The following GNPDA2 variants were observed in gnomAD, a reference collection of about 807,000 sequenced individuals.
GNPDA2 encodes the protein glcN6P deaminase 2.
GNPDA2 carries 24 observed loss-of-function variants against 27.0 expected under a neutral mutation model. The observed-to-expected ratio is 0.89, with a 90% CI of 0.64 to 1.25. The LOEUF (loss-of-function observed/expected upper bound fraction) is 1.25. GNPDA2 is among the 50% of genes most tolerant of loss of function. GNPDA2 has a pLI of 0.00. For missense variants in GNPDA2, 286 were observed against 335.1 expected, an observed-to-expected ratio of 0.85 and a Z score of 1.14; for synonymous variants, 94 against 108.4, an observed-to-expected ratio of 0.87 and a Z score of 0.83.
At chr4:44,707,963 C>G (rs779968485) in intron 5 of GNPDA2, 37 bp from the exon 6 acceptor site, 4 of 1,426,224 alleles carry the variant, frequency 2.8e-6, no homozygotes, top group Non-Finnish European at 1.9e-6. Context: ...AAAACTTGTT[C>G]CAAATGAGTA....
chr4:44,713,809 G>A (rs1717117043), intron 4 of GNPDA2, among the ~76,000 whole-genome samples: 1 of 152,046 alleles, frequency 6.6e-6, no homozygotes, highest in African/African-American at 2.4e-5. Context: ...GAACCTGGGA[G>A]GTGGAGGTTG....
At chr4:44,710,677 G>A (rs1366982839) in intron 5 of GNPDA2, among the ~76,000 whole-genome samples, 1 of 152,166 alleles carries the variant, frequency 6.6e-6, no homozygotes. Flanking sequence ...GATGTGATCA[G>A]TAAGATTTTA....
rs1265726468 is a variant in GNPDA2 at position 44,708,430 on chromosome 4, A to G, written c.595-504T>C. 2.6e-5 allele frequency among the ~76,000 whole-genome samples: 4 copies of G among 152,144 alleles called. No homozygotes were observed. The East Asian group carries it at 7.7e-4, about 29-fold the overall frequency. ...CATTTCACTGAACATGTGCTATTCA[A>G]AGTTGACTCAGAATAAAAACTGGAT... On this transcript the variant is annotated intron_variant, in intron 5 of 6. Transcript: ENST00000295448.
chr4:44,725,054 G>A (rs528459571), intron 1 of GNPDA2, among the ~76,000 whole-genome samples: 1 of 152,310 alleles, frequency 6.6e-6, no homozygotes, highest in East Asian at 1.9e-4. Flanking sequence ...AGGTAAGGAG[G>A]ACGAGAAGCA....
At chr4:44,704,022 GAT>G (rs1716436080) in intron 6 of GNPDA2, 2 of 985,070 alleles carry the variant, frequency 2.0e-6, no homozygotes, top group African/African-American at 3.5e-5. Flanking sequence ...GGATTGGAGA[GAT>G]AGGTTGCTTG....
At chr4:44,703,228 G>A in intron 6 of GNPDA2, 86 bp from the exon 7 acceptor site, 1 of 1,511,910 alleles carries the variant, frequency 6.6e-7, no homozygotes. Flanking sequence ...TTTTTTATAA[G>A]ACACAGTAAG....
Position 44,720,152 on chromosome 4 carries a change from C to T in GNPDA2, c.125-1742G>A, listed in dbSNP as rs1409008238. Among the ~76,000 whole-genome samples the T allele has an allele frequency of 4.6e-5, 7 of 152,094 alleles. No homozygotes were observed. In the South Asian group the frequency reaches 8.3e-4, roughly 18 times the overall value. On this transcript the variant is annotated intron_variant, in intron 2 of 6. Transcript: ENST00000295448. ...AGAAAAGATGGAGCGGGAGGTTCAA[C>T]GATGACATCTGTCTACCATGTGGCT... is the stretch of plus-strand genomic sequence containing the variant.
chr4:44,707,726 G>T, intron 6 of GNPDA2, 26 bp downstream of exon 6: 3 of 1,595,006 alleles, frequency 1.9e-6, no homozygotes, highest in Non-Finnish European at 2.6e-6. Flanking sequence ...GATTATCTCA[G>T]TCGGCTTTTG....
intron 6 of GNPDA2, chr4:44,705,549 A>G (rs1333179017): frequency 1.1e-5 from 8 of 738,354 alleles, no homozygotes; most frequent in Non-Finnish European, 1.2e-5. Context: ...AACTAAATAC[A>G]TATAAACATC....
At chr4:44,719,573 G>A (rs1287286903) in intron 2 of GNPDA2, among the ~76,000 whole-genome samples, 2 of 151,796 alleles carry the variant, frequency 1.3e-5, no homozygotes, top group East Asian at 3.9e-4. Context: ...AACAACTATA[G>A]CCCACTAACA....
intron 6 of GNPDA2, chr4:44,703,396 G>C (rs2109687477): frequency 8.3e-7 from 1 of 1,200,970 alleles, no homozygotes; most frequent in East Asian, 4.2e-5. Context: ...GGAGTAACCA[G>C]AAGAGCATTT....
chr4:44,718,395 C>A lies in GNPDA2; in HGVS notation c.140G>T (p.Gly47Val). ...ATATTCTATTAGTTTTTTATAGCATCCTAAAGGTGTACTCCCTAAAAGACA... is the reference window on the plus strand; with the variant it reads ...ATATTCTATTAGTTTTTTATAGCATACTAAAGGTGTACTCCCTAAAAGACA... ...LGLPTGSTPLGCYKKLIEYHK... is the reference protein window; with the variant it reads ...LGLPTGSTPLVCYKKLIEYHK... The change falls in exon 3 of 7, where the codon GGA becomes GTA. Residue 47 changes from glycine to valine, a missense_variant. Transcript: ENST00000295448. 7.6e-7 allele frequency: 1 copy of A among 1,311,802 alleles called. No homozygotes were observed. Among genetic ancestry groups the A allele is most frequent in the East Asian group, 2.5e-5 (1 of 39,424 alleles). 81.3% of individuals were successfully genotyped at this position (1,311,802 alleles called of 1,614,324 possible). A position where few individuals can be genotyped will look rare whatever the true frequency, so the allele number is the denominator to read the frequency against.
Position 44,707,936 on chromosome 4 carries a change from T to C in GNPDA2, c.595-10A>G, listed in dbSNP as rs1364009849. 1.3e-6 allele frequency: 2 copies of C among 1,551,558 alleles called. No homozygotes were observed. Among genetic ancestry groups the C allele is most frequent in the Non-Finnish European group, 1.7e-6 (2 of 1,142,876 alleles). On this transcript the variant is annotated splice_polypyrimidine_tract_variant and intron_variant, in intron 5 of 6. Coordinates refer to ENST00000295448, the MANE Select transcript of GNPDA2 (RefSeq NM_138335.3). Reference sequence around the variant, plus strand: ...TTATAAGGATCATTACCTGAAAAATTATGAACATCAATTGTTAAAACTTGT... The same window carrying C: ...TTATAAGGATCATTACCTGAAAAATCATGAACATCAATTGTTAAAACTTGT...
At chr4:44,715,057 T>A (rs533556299) in intron 4 of GNPDA2, among the ~76,000 whole-genome samples, 3 of 152,264 alleles carry the variant, frequency 2.0e-5, no homozygotes, top group African/African-American at 7.2e-5. Context: ...TTATAACTTA[T>A]GCAACATCTA....
chr4:44,707,374 G>C (rs1716670571), intron 6 of GNPDA2: 1 of 252,810 alleles, frequency 4.0e-6, no homozygotes, highest in Non-Finnish European at 7.4e-6. Flanking sequence ...ATTAAGGTTA[G>C]AGGGGAGTGA....
intron 6 of GNPDA2, chr4:44,705,315 C>T (rs1305193866): frequency 1.0e-6 from 1 of 984,672 alleles, no homozygotes; most frequent in African/African-American, 1.7e-5. Context: ...CTACCCTTTA[C>T]TAAAATGCTG....
chr4:44,711,828 T>TACACAC (rs5857973), intron 4 of GNPDA2, among the ~76,000 whole-genome samples: 6 of 148,322 alleles, frequency 4.0e-5, no homozygotes, highest in Non-Finnish European at 8.9e-5. Context: ...TATATATATA[T>TACACAC]ACACATATAC....
intron 6 of GNPDA2, chr4:44,704,739 G>C: frequency 8.1e-6 from 8 of 984,580 alleles, no homozygotes; most frequent in Non-Finnish European, 9.6e-6. Context: ...CCAGAAGAAA[G>C]GTTAAATGTC....
intron 5 of GNPDA2, among the ~76,000 whole-genome samples, chr4:44,709,140 A>G (rs1716806807): frequency 6.6e-6 from 1 of 152,126 alleles, no homozygotes. Flanking sequence ...AAATCTCAAC[A>G]TGAAGTATAT....
Sources: allele counts gnomAD v4.1 joint callset (sites outside exome capture counted in the v4.1 genomes callset), GRCh38; gene constraint gnomAD v4.1.1; transcripts MANE v1.5; gene names NCBI Gene and HGNC (gene_info 2026-07-23, HGNC 2026-07-21).